The following AUTS2 variants were observed in gnomAD, a reference collection of about 807,000 sequenced individuals.
AUTS2 encodes the protein autism susceptibility gene 2 protein.
A neutral mutation model predicts 112.4 loss-of-function variants in AUTS2; 17 were observed. The observed-to-expected ratio is 0.15, with a 90% CI of 0.10 to 0.23. The LOEUF (loss-of-function observed/expected upper bound fraction) is 0.23. Ranked by LOEUF, AUTS2 falls within the 10% of genes least tolerant of loss-of-function variation. The probability of loss-of-function intolerance (pLI) is 1.00; values close to 1 mark genes in which losing one functional copy is unlikely to be tolerated. For missense variants in AUTS2, 1,510 were observed against 1,701.6 expected, an observed-to-expected ratio of 0.89 and a Z score of 1.98; for synonymous variants, 751 against 702.7, an observed-to-expected ratio of 1.07 and a Z score of -1.09.
intron 2 of AUTS2, among the ~76,000 whole-genome samples, chr7:70,028,096 G>T (rs79332964): frequency 0.013 from 1,896 of 147,438 alleles, 17 homozygotes; most frequent in East Asian, 0.055. Context: ...TTGCACACAC[G>T]TGCATACTTT....
intron 1 of AUTS2, among the ~76,000 whole-genome samples, chr7:69,601,583 G>T (rs1792411661): frequency 6.6e-6 from 1 of 152,020 alleles, no homozygotes; most frequent in African/African-American, 2.4e-5. Flanking sequence ...GGTGCAGGTG[G>T]TGGTGATGGT....
At chr7:69,809,106 G>A (rs1317000959) in intron 1 of AUTS2, among the ~76,000 whole-genome samples, 2 of 151,072 alleles carry the variant, frequency 1.3e-5, no homozygotes, top group Non-Finnish European at 2.9e-5. Flanking sequence ...ATGGAGTCTC[G>A]CTCCGTTGCC....
intron 6 of AUTS2, among the ~76,000 whole-genome samples, chr7:70,749,666 G>A (rs1398488644): frequency 6.6e-6 from 1 of 152,198 alleles, no homozygotes; most frequent in Non-Finnish European, 1.5e-5. Flanking sequence ...GGAGATTGCA[G>A]GGGGTTGGCA....
chr7:69,804,920 C>A (rs1790234287), intron 1 of AUTS2, among the ~76,000 whole-genome samples: 1 of 152,216 alleles, frequency 6.6e-6, no homozygotes, highest in African/African-American at 2.4e-5. Context: ...TCTTAACAAG[C>A]CCTCCTGTGA....
At chr7:70,785,885 C>A in intron 16 of AUTS2, 70 bp from the exon 17 acceptor site, 1 of 1,477,112 alleles carries the variant, frequency 6.8e-7, no homozygotes, top group South Asian at 1.1e-5. Flanking sequence ...TCGCCCTGCT[C>A]CCAGGAAGCT....
chr7:70,112,555 C>T (rs1451520044), intron 2 of AUTS2, among the ~76,000 whole-genome samples: 1 of 151,852 alleles, frequency 6.6e-6, no homozygotes, highest in Non-Finnish European at 1.5e-5. Flanking sequence ...CCTTCTTTTG[C>T]TTTCTTTTAT....
chr7:70,468,918 A>G (rs955811033), intron 5 of AUTS2, among the ~76,000 whole-genome samples: 11 of 152,218 alleles, frequency 7.2e-5, no homozygotes, highest in Non-Finnish European at 1.0e-4. Flanking sequence ...TGGCTGCAGC[A>G]AATTGGTGAA....
chr7:69,980,287 ATTTG>A (rs745972412), intron 2 of AUTS2, among the ~76,000 whole-genome samples: 1 of 152,160 alleles, frequency 6.6e-6, no homozygotes. Context: ...TCTCTCTAGA[ATTTG>A]TTTGTGTGCA....
At chr7:70,590,105 G>T (rs569712156) in intron 5 of AUTS2, among the ~76,000 whole-genome samples, 1 of 150,926 alleles carries the variant, frequency 6.6e-6, no homozygotes, top group African/African-American at 2.4e-5. Context: ...ACAGTGGCCA[G>T]GAACTTGTTT....
At chr7:69,803,506 A>T (rs892280777) in intron 1 of AUTS2, among the ~76,000 whole-genome samples, 9 of 138,608 alleles carry the variant, frequency 6.5e-5, no homozygotes, top group African/African-American at 2.5e-4. Context: ...AAGTCCTTGC[A>T]TACAAATGTT....
chr7:70,319,944 G>A (rs146667116), intron 4 of AUTS2, among the ~76,000 whole-genome samples: 178 of 152,244 alleles, frequency 1.2e-3, no homozygotes, highest in African/African-American at 4.0e-3. Context: ...ATTATCTCTC[G>A]TTCATAGATC....
At chr7:70,078,790 A>C (rs1404959126) in intron 2 of AUTS2, among the ~76,000 whole-genome samples, 12 of 152,222 alleles carry the variant, frequency 7.9e-5, no homozygotes. Context: ...TTTCATACTG[A>C]GAAGACTTTG....
chr7:70,543,267 T>C (rs1396538807), intron 5 of AUTS2, among the ~76,000 whole-genome samples: 1 of 152,048 alleles, frequency 6.6e-6, no homozygotes, highest in Non-Finnish European at 1.5e-5. Flanking sequence ...TTTGGGAGGC[T>C]GAGGTGGGTG....
intron 2 of AUTS2, among the ~76,000 whole-genome samples, chr7:70,107,300 T>G (rs1035218309): frequency 2.6e-5 from 4 of 151,782 alleles, no homozygotes; most frequent in African/African-American, 7.3e-5. Flanking sequence ...ATTCAGCTTT[T>G]GAGCTCTCCT....
At chr7:69,840,276 C>T (rs1028383224) in intron 1 of AUTS2, among the ~76,000 whole-genome samples, 1 of 152,140 alleles carries the variant, frequency 6.6e-6, no homozygotes, top group Non-Finnish European at 1.5e-5. Context: ...TTGTTAGTGT[C>T]TGTTGCTTTT....
chr7:70,457,881 C>T (rs1400618774), intron 5 of AUTS2, among the ~76,000 whole-genome samples: 1 of 152,092 alleles, frequency 6.6e-6, no homozygotes, highest in Non-Finnish European at 1.5e-5. Context: ...TTGTTACTTC[C>T]TGGGTGTAGG....
chr7:70,408,633 G>A (rs990677086), intron 4 of AUTS2, among the ~76,000 whole-genome samples: 1 of 152,174 alleles, frequency 6.6e-6, no homozygotes, highest in Non-Finnish European at 1.5e-5. Flanking sequence ...ACAAAGTACA[G>A]CCATAAATTA....
chr7:70,633,040 G>A (rs568294628), intron 5 of AUTS2, among the ~76,000 whole-genome samples: 1 of 152,210 alleles, frequency 6.6e-6, no homozygotes, highest in Non-Finnish European at 1.5e-5. Flanking sequence ...TTCGCATGGG[G>A]CGAGGGCTCT....
At chr7:69,973,245 A>G (rs1166066444) in intron 2 of AUTS2, among the ~76,000 whole-genome samples, 3 of 152,224 alleles carry the variant, frequency 2.0e-5, no homozygotes. Flanking sequence ...TTGTTAGTAT[A>G]CAGAATACAA....
Sources: allele counts gnomAD v4.1 joint callset (sites outside exome capture counted in the v4.1 genomes callset), GRCh38; gene constraint gnomAD v4.1.1; transcripts MANE v1.5; gene names NCBI Gene and HGNC (gene_info 2026-07-23, HGNC 2026-07-21).